Variants in DIAPH1 observed in about 807,000 individuals in gnomAD.
DIAPH1 encodes protein diaphanous homolog 1.
Under a neutral mutation model 140.7 loss-of-function variants are expected in DIAPH1, and 46 were observed. The ratio of observed to expected loss-of-function variants is 0.33; its 90% CI spans 0.26 to 0.42. The LOEUF (loss-of-function observed/expected upper bound fraction) is 0.42, where lower values mean the gene tolerates loss of function less well. Among genes scored for constraint, DIAPH1 ranks in the 10% least tolerant of loss-of-function variants. DIAPH1 has a pLI of 1.00. For missense variants in DIAPH1, 1,310 were observed against 1,558.7 expected (o/e 0.84, Z 2.69); for synonymous variants, 565 against 551.6 (o/e 1.02, Z -0.34).
At chr5:141,558,540 G>A (rs1375364152) in intron 18 of DIAPH1, 1 of 152,138 alleles carries the variant, frequency 6.6e-6, no homozygotes, top group Non-Finnish European at 1.5e-5. Context: ...TTGAGAACAC[G>A]GACTGAGTCA....
intron 21 of DIAPH1, 114 bp downstream of exon 21, chr5:141,529,058 T>C (rs777873573): frequency 2.5e-6 from 4 of 1,571,248 alleles, no homozygotes; most frequent in Non-Finnish European, 3.5e-6. Context: ...AAGAGAGAGA[T>C]TAAGACAGGT....
At chr5:141,553,519 T>C (rs965165627) in intron 18 of DIAPH1, among the ~76,000 whole-genome samples, 2 of 151,476 alleles carry the variant, frequency 1.3e-5, no homozygotes, top group African/African-American at 4.9e-5. Flanking sequence ...TGGGCGCCTA[T>C]GTAATTCCAG....
chr5:141,592,081 C>CAAA (rs1169137676), intron 1 of DIAPH1, among the ~76,000 whole-genome samples: 1 of 86,914 alleles, frequency 1.2e-5, no homozygotes, highest in Admixed American at 1.3e-4. Flanking sequence ...GACTCTGTAT[C>CAAA]AAAAAAAAAA....
intron 18 of DIAPH1, among the ~76,000 whole-genome samples, chr5:141,550,662 C>A (rs1445462748): frequency 6.6e-6 from 1 of 152,068 alleles, no homozygotes; most frequent in Non-Finnish European, 1.5e-5. Context: ...ATTGCCCAGG[C>A]TGGAGTGCAG....
intron 18 of DIAPH1, among the ~76,000 whole-genome samples, chr5:141,546,601 A>C (rs771079393): frequency 6.6e-6 from 1 of 150,838 alleles, no homozygotes; most frequent in Non-Finnish European, 1.5e-5. Flanking sequence ...AGTTGCTGTG[A>C]GCTGAGATCG....
chr5:141,588,009 T>G lies in DIAPH1; in HGVS notation c.144+215A>C, dbSNP rs140842489. ...TCAGACTGCAAGTCAGCTTTGAGTT[T>G]AAAGAGCATGCCTAACTTCGGAAGA... On this transcript the variant is annotated intron_variant, in intron 2 of 27. Transcript: ENST00000389054. Among the ~76,000 whole-genome samples, 582 of 152,280 alleles carry G rather than the reference T, an allele frequency of 3.8e-3. 5 individuals carry two copies. The highest frequency in any genetic ancestry group is 0.011 in the Admixed American group (167 of 15,292).
At chr5:141,582,458 G>T in intron 6 of DIAPH1, 83 bp from the exon 7 acceptor site, 1 of 1,027,060 alleles carries the variant, frequency 9.7e-7, no homozygotes, top group Non-Finnish European at 1.5e-6. Context: ...AGGTTCTTAG[G>T]AACAACAGCC....
At chr5:141,618,527 C>G in intron 1 of DIAPH1, 1 of 356,882 alleles carries the variant, frequency 2.8e-6, no homozygotes, top group East Asian at 5.7e-5. Context: ...TGAGAGCCGG[C>G]CGGGGATATG....
chr5:141,528,980 A>T (rs2099887805), intron 21 of DIAPH1, 39 bp from the exon 22 acceptor site: 2 of 1,613,484 alleles, frequency 1.2e-6, no homozygotes, highest in Non-Finnish European at 1.7e-6. Flanking sequence ...CAGTCAAAAG[A>T]GGGGGAAGTC....
chr5:141,516,214 C>T lies in DIAPH1; in HGVS notation c.*637G>A, dbSNP rs891847545. 6 of 162,742 alleles carry T rather than the reference C, an allele frequency of 3.7e-5. No individual in the cohort carries two copies. Among genetic ancestry groups the T allele is most frequent in the African/African-American group, 1.4e-4 (6 of 41,556 alleles). The allele number at this position is 162,742 out of a possible 1,614,324, so 10.1% of individuals were successfully genotyped here. A position where few individuals can be genotyped will look rare whatever the true frequency, so the allele number is the denominator to read the frequency against. ...GCCTGCCCACAGGCTCTGGCCTGGG[C>T]CACAGCACAGCAGGGAAACTGGTCC... On this transcript the variant is annotated 3_prime_UTR_variant, in exon 28 of 28. Coordinates refer to ENST00000389054, the MANE Select transcript of DIAPH1 (RefSeq NM_005219.5).
At position 141,577,542 on chromosome 5, in the gene DIAPH1, T is replaced by C. The variant is rs551450387; in HGVS notation, c.1213A>G (p.Lys405Glu). 10 of 1,614,010 alleles carry C rather than the reference T, an allele frequency of 6.2e-6. No individual in the cohort carries two copies. In the African/African-American group the frequency reaches 9.3e-5, roughly 15 times the overall value. Residue 405 changes from lysine (K) to glutamate (E), a missense_variant, in exon 12 of 28, where the codon AAG (lysine) becomes GAG (glutamate). This residue lies in a region of DIAPH1 where 589 missense variants were observed against 549.3 expected (regional missense o/e 1.07). Coordinates refer to ENST00000389054, the MANE Select transcript of DIAPH1 (RefSeq NM_005219.5). ...ATGGAAAGGAAGTGTGGCTCTGCCT[T>C]TGAATCCTTCACTGTGTTTAAGAGA... ...QILLNTVKDS[K>E]AEPHFLSILQ...
chr5:141,535,965 A>C (rs1470121511), intron 18 of DIAPH1: 2 of 464,164 alleles, frequency 4.3e-6, no homozygotes, highest in Non-Finnish European at 8.9e-6. Flanking sequence ...AAGAATTAAA[A>C]CAAAAAAGTT....
In DIAPH1 at chr5:141,583,153, C is replaced by G. The variant is rs375603369; in HGVS notation, c.620+53G>C. 1.9e-5 allele frequency: 28 copies of G among 1,490,944 alleles called. No homozygotes were observed. In the African/African-American group the frequency reaches 3.6e-4, roughly 19 times the overall value. 92.4% of individuals were successfully genotyped at this position (1,490,944 alleles called of 1,614,324 possible). A position where few individuals can be genotyped will look rare whatever the true frequency, so the allele number is the denominator to read the frequency against. Reference sequence around the variant, plus strand: ...TACTTTCTCCTTCAGAGCAAATAGCCAAGTCCCCTGTGACTCTCCAACTTG... The same window carrying G: ...TACTTTCTCCTTCAGAGCAAATAGCGAAGTCCCCTGTGACTCTCCAACTTG... On this transcript the variant is annotated intron_variant, in intron 6 of 27. Coordinates refer to ENST00000389054, the MANE Select transcript of DIAPH1 (RefSeq NM_005219.5).
intron 11 of DIAPH1, 40 bp downstream of exon 11, chr5:141,578,185 A>C (rs1350831915): frequency 7.0e-7 from 1 of 1,422,436 alleles, no homozygotes; most frequent in South Asian, 1.1e-5. Flanking sequence ...AAATACAATG[A>C]ATGTCTCATC....
intron 23 of DIAPH1, 23 bp from the exon 24 acceptor site, chr5:141,527,720 A>C (rs1429526945): frequency 3.9e-6 from 6 of 1,548,844 alleles, no homozygotes; most frequent in Admixed American, 3.9e-5. Flanking sequence ...AAAAAAAAAA[A>C]AACCATAAAA....
chr5:141,558,437 G>C (rs1047074784), intron 18 of DIAPH1: 4 of 152,216 alleles, frequency 2.6e-5, no homozygotes, highest in African/African-American at 9.7e-5. Context: ...GGAAATGGAG[G>C]AGTGGGGAGT....
chr5:141,578,069 G>A (rs1241814228), intron 11 of DIAPH1, 156 bp downstream of exon 11: 3 of 739,744 alleles, frequency 4.1e-6, no homozygotes, highest in East Asian at 2.5e-5. Flanking sequence ...AGTAAAGCCA[G>A]CGCAATAAAA....
At chr5:141,595,281 C>A (rs1486024013) in intron 1 of DIAPH1, among the ~76,000 whole-genome samples, 1 of 152,062 alleles carries the variant, frequency 6.6e-6, no homozygotes, top group African/African-American at 2.4e-5. Context: ...ATGGATTGTA[C>A]AACACTAAGA....
chr5:141,578,896 T>C (rs975974487), intron 9 of DIAPH1, among the ~76,000 whole-genome samples, 192 bp downstream of exon 9: 6 of 152,212 alleles, frequency 3.9e-5, no homozygotes, highest in African/African-American at 1.4e-4. Flanking sequence ...TTTTTCCATC[T>C]CATAATGAGG....
Sources: allele counts gnomAD v4.1 joint callset (sites outside exome capture counted in the v4.1 genomes callset), GRCh38; gene constraint gnomAD v4.1.1; regional missense constraint gnomAD v4.1.1; transcripts MANE v1.5; gene names NCBI Gene and HGNC (gene_info 2026-07-23, HGNC 2026-07-21).